PPIL6: variants seen among roughly 807,000 people sequenced by gnomAD.
PPIL6 encodes the protein probable inactive peptidyl-prolyl cis-trans isomerase-like 6.
In PPIL6, 39 loss-of-function variants were observed where a neutral mutation model predicts 36.8. The observed-to-expected ratio is 1.06, with a 90% CI of 0.82 to 1.38. The LOEUF is 1.38. Ranked by LOEUF, PPIL6 falls within the 40% of genes most tolerant of loss-of-function variation. The pLI is 0.00. For synonymous variants in PPIL6, 123 were observed against 134.1 expected, an observed-to-expected ratio of 0.92 and a Z score of 0.57; for missense variants, 368 against 379.1, an observed-to-expected ratio of 0.97 and a Z score of 0.24.
intron 1 of PPIL6, among the ~76,000 whole-genome samples, chr6:109,438,624 T>C (rs1281688169): frequency 6.6e-6 from 1 of 152,198 alleles, no homozygotes; most frequent in East Asian, 1.9e-4. Context: ...GTCTCACTCT[T>C]GTTGCCCAGG....
intron 6 of PPIL6, among the ~76,000 whole-genome samples, chr6:109,407,957 C>A (rs1447126968): frequency 6.6e-6 from 1 of 152,102 alleles, no homozygotes; most frequent in East Asian, 1.9e-4. Context: ...CCACACCTGG[C>A]GTACTCCTCA....
intron 2 of PPIL6, among the ~76,000 whole-genome samples, chr6:109,435,069 G>A (rs1476519346): frequency 6.6e-6 from 1 of 152,162 alleles, no homozygotes; most frequent in Non-Finnish European, 1.5e-5. Flanking sequence ...CCAGGCAACA[G>A]TCCCACAGAA....
chr6:109,421,032 C>G (rs562641856), intron 5 of PPIL6, among the ~76,000 whole-genome samples: 1 of 152,186 alleles, frequency 6.6e-6, no homozygotes, highest in African/African-American at 2.4e-5. Flanking sequence ...AGGGCCCCCC[C>G]ACCATCAATC....
Position 109,411,186 on chromosome 6 carries a change from A to C in PPIL6, c.688+8001T>G, listed in dbSNP as rs142600577. ...TAACCGCATAACACCCAAGAATACCAGAAGTAAGTGAGTAATAGGAGTAAT... is the reference window on the plus strand; with the variant it reads ...TAACCGCATAACACCCAAGAATACCCGAAGTAAGTGAGTAATAGGAGTAAT... On this transcript the variant is annotated intron_variant, in intron 6 of 7. Coordinates refer to ENST00000521072, the MANE Select transcript of PPIL6 (RefSeq NM_173672.5). 1.4e-3 allele frequency among the ~76,000 whole-genome samples: 210 copies of C among 152,300 alleles called. 3 individuals are homozygous for C. Among genetic ancestry groups the C allele is most frequent in the African/African-American group, 3.6e-3 (148 of 41,570 alleles).
At chr6:109,428,410 G>C (rs1773938357) in intron 3 of PPIL6, among the ~76,000 whole-genome samples, 1 of 151,952 alleles carries the variant, frequency 6.6e-6, no homozygotes, top group Non-Finnish European at 1.5e-5. Context: ...AAATTAGCTG[G>C]GCATGATGGC....
intron 6 of PPIL6, among the ~76,000 whole-genome samples, chr6:109,401,212 G>T (rs376836760): frequency 1.3e-5 from 2 of 151,990 alleles, no homozygotes; most frequent in South Asian, 2.1e-4. Context: ...ACCTTATTTG[G>T]ATTGACCAAG....
At chr6:109,440,432 C>A (rs775728152) in intron 1 of PPIL6, 24 bp downstream of exon 1, 3 of 1,536,630 alleles carry the variant, frequency 2.0e-6, no homozygotes, top group Admixed American at 4.0e-5. Context: ...GGGCCGCCCA[C>A]GACGGAGGTT....
At chr6:109,394,446 C>T (rs1772217386) in intron 7 of PPIL6, among the ~76,000 whole-genome samples, 1 of 151,144 alleles carries the variant, frequency 6.6e-6, no homozygotes, top group African/African-American at 2.4e-5. Context: ...CTAGAACTTC[C>T]TGGGGAGTGG....
chr6:109,441,017 G>A (rs1774842685), upstream of PPIL6: 1 of 1,198,924 alleles, frequency 8.3e-7, no homozygotes, highest in Admixed American at 2.0e-5. Context: ...CGCCGCCTGC[G>A]AAGAAGGAAC....
chr6:109,422,495 T>C (rs1773602942), intron 5 of PPIL6, among the ~76,000 whole-genome samples: 1 of 152,140 alleles, frequency 6.6e-6, no homozygotes, highest in Admixed American at 6.5e-5. Context: ...CTTAGGAGGC[T>C]GAGAAGATCA....
chr6:109,426,975 G>C lies in PPIL6; in HGVS notation c.503C>G (p.Pro168Arg), dbSNP rs777617467. The change falls in exon 5 of 8, where the codon CCC becomes CGC. Residue 168 changes from proline (P) to arginine (R), a missense_variant. Transcript: ENST00000521072. The part of the protein sequence containing the change: ...LIFELYCDVC[P>R]KTCKNFQVLC... ...GACCTGAAAATTTTTACATGTTTTG[G>C]GACACACATCACAGTATAGCTACAA... 1.9e-6 allele frequency: 3 copies of C among 1,602,518 alleles called. No individual in the cohort carries two copies. The highest frequency in any genetic ancestry group is 2.2e-5 in the East Asian group (1 of 44,584).
Position 109,427,298 on chromosome 6 carries a change from T to C in PPIL6, c.421-142A>G, listed in dbSNP as rs1773875678. On this transcript the variant is annotated intron_variant, in intron 3 of 7. Coordinates refer to ENST00000521072, the MANE Select transcript of PPIL6 (RefSeq NM_173672.5). ...ACCAATGGATAATATTACAGTAAAA[T>C]TAAGTGAATGACTTGTATTAGTTTA... 14 of 544,998 alleles carry C rather than the reference T, an allele frequency of 2.6e-5. 1 individual carries two copies. In the Middle Eastern group the frequency reaches 1.5e-3, roughly 57 times the overall value. The allele number at this position is 544,998 out of a possible 1,614,324, so 33.8% of individuals were successfully genotyped here.
chr6:109,394,519 C>T (rs1772220162), intron 7 of PPIL6, among the ~76,000 whole-genome samples: 1 of 152,080 alleles, frequency 6.6e-6, no homozygotes, highest in Admixed American at 6.6e-5. Flanking sequence ...AGACATAGGA[C>T]TGGTGCCCTC....
At chr6:109,431,440 C>G in intron 2 of PPIL6, 95 bp from the exon 3 acceptor site, 3 of 799,926 alleles carry the variant, frequency 3.8e-6, no homozygotes, top group Non-Finnish European at 5.6e-6. Context: ...AACTCTAGGT[C>G]TGAATTTGTC....
chr6:109,409,656 C>G (rs1772938252), intron 6 of PPIL6, among the ~76,000 whole-genome samples: 1 of 151,778 alleles, frequency 6.6e-6, no homozygotes, highest in African/African-American at 2.4e-5. Flanking sequence ...ACACAAAAGT[C>G]TATTAGAACT....
At chr6:109,416,923 C>T (rs936991121) in intron 6 of PPIL6, among the ~76,000 whole-genome samples, 1 of 152,010 alleles carries the variant, frequency 6.6e-6, no homozygotes, top group African/African-American at 2.4e-5. Flanking sequence ...ATCCCAATGA[C>T]TCAGAAGGCC....
At chr6:109,403,189 G>A (rs941711235) in intron 6 of PPIL6, 76 of 1,004,254 alleles carry the variant, frequency 7.6e-5, no homozygotes, top group African/African-American at 1.6e-5. Context: ...GTTCAGACTA[G>A]TCTTGAACTC....
At chr6:109,399,046 T>C (rs1772413404) in intron 7 of PPIL6, among the ~76,000 whole-genome samples, 1 of 151,808 alleles carries the variant, frequency 6.6e-6, no homozygotes, top group Non-Finnish European at 1.5e-5. Flanking sequence ...CCACCGAAAC[T>C]TCTTCAGTAG....
chr6:109,440,053 G>C (rs1004659456), intron 1 of PPIL6: 1 of 270,070 alleles, frequency 3.7e-6, no homozygotes, highest in South Asian at 2.9e-5. Flanking sequence ...CCGAGGTGGC[G>C]GGGTTGTAAA....
Sources: allele counts gnomAD v4.1 joint callset (sites outside exome capture counted in the v4.1 genomes callset), GRCh38; gene constraint gnomAD v4.1.1; transcripts MANE v1.5; gene names NCBI Gene and HGNC (gene_info 2026-07-23, HGNC 2026-07-21).